The following AGMO variants were observed in gnomAD, a reference collection of about 807,000 sequenced individuals.
AGMO encodes the protein alkylglycerol monooxygenase.
AGMO carries 75 observed loss-of-function variants against 60.2 expected under a neutral mutation model. That is an observed-to-expected ratio of 1.25 (90% confidence interval 1.03 to 1.51). The LOEUF (loss-of-function observed/expected upper bound fraction) is 1.51, where lower values mean the gene tolerates loss of function less well. Among genes scored for constraint, AGMO ranks in the 40% most tolerant of loss-of-function variants. The probability of loss-of-function intolerance (pLI) is 0.00; values close to 1 mark genes in which losing one functional copy is unlikely to be tolerated. For missense variants in AGMO, 763 were observed against 525.5 expected, an observed-to-expected ratio of 1.45 and a Z score of -4.42; for synonymous variants, 261 against 177.1, an observed-to-expected ratio of 1.47 and a Z score of -3.76.
chr7:15,162,086 T>C, the AGMO span, among the ~76,000 whole-genome samples: 1 of 152,006 alleles, frequency 6.6e-6, no homozygotes, highest in Non-Finnish European at 1.5e-5. Context: ...TGAGATCTGA[T>C]GGTTTTAAAA....
intron 3 of AGMO, among the ~76,000 whole-genome samples, chr7:15,517,902 A>G (rs1202609411): frequency 6.6e-6 from 1 of 152,174 alleles, no homozygotes; most frequent in Middle Eastern, 3.2e-3. Flanking sequence ...CATGGAGCCC[A>G]GCAAGCTAAG....
At chr7:15,494,857 T>C (rs995028080) in intron 3 of AGMO, among the ~76,000 whole-genome samples, 16 of 152,226 alleles carry the variant, frequency 1.1e-4, no homozygotes, top group Admixed American at 6.5e-5. Flanking sequence ...CTCGCAAGCC[T>C]GTTGCAAAAT....
intron 3 of AGMO, among the ~76,000 whole-genome samples, chr7:15,467,740 G>C (rs1161621543): frequency 6.6e-6 from 1 of 152,046 alleles, no homozygotes; most frequent in Non-Finnish European, 1.5e-5. Flanking sequence ...TATGGGATTT[G>C]TTAAATAAAT....
intron 2 of AGMO, among the ~76,000 whole-genome samples, chr7:15,547,574 G>A (rs568919206): frequency 6.6e-6 from 1 of 152,076 alleles, no homozygotes; most frequent in Non-Finnish European, 1.5e-5. Flanking sequence ...CTGGAAAATC[G>A]GGTCACTCCC....
chr7:15,336,767 A>G (rs1781676227), intron 12 of AGMO, among the ~76,000 whole-genome samples: 1 of 152,024 alleles, frequency 6.6e-6, no homozygotes, highest in East Asian at 1.9e-4. Flanking sequence ...GTCTTAGGTT[A>G]TAATAATTAC....
At chr7:15,346,997 A>G (rs1199089594) in intron 12 of AGMO, among the ~76,000 whole-genome samples, 1 of 151,970 alleles carries the variant, frequency 6.6e-6, no homozygotes, top group Non-Finnish European at 1.5e-5. Flanking sequence ...ACTTTAAATG[A>G]TTCTGTGAAA....
intron 12 of AGMO, among the ~76,000 whole-genome samples, chr7:15,315,141 T>G (rs1283640589): frequency 6.6e-6 from 1 of 152,036 alleles, no homozygotes; most frequent in Non-Finnish European, 1.5e-5. Flanking sequence ...GAGACCAGAT[T>G]AGCCAAGCTT....
At chr7:15,339,386 GTTAT>G (rs1244230915) in intron 12 of AGMO, among the ~76,000 whole-genome samples, 5 of 152,100 alleles carry the variant, frequency 3.3e-5, no homozygotes, top group South Asian at 2.1e-4. Context: ...TTAACACTGA[GTTAT>G]TTGAGGATAA....
chr7:15,384,954 C>T (rs558114819), intron 10 of AGMO, among the ~76,000 whole-genome samples: 3 of 151,264 alleles, frequency 2.0e-5, no homozygotes, highest in Middle Eastern at 6.8e-3. Context: ...TGAACTAAAT[C>T]CTGGTCTAGT....
At chr7:15,298,443 G>GA (rs944278479) in intron 12 of AGMO, among the ~76,000 whole-genome samples, 13 of 152,106 alleles carry the variant, frequency 8.5e-5, no homozygotes, top group Non-Finnish European at 1.5e-4. Context: ...CACCAAGGTT[G>GA]AAGTGCAGTG....
chr7:15,355,336 A>C (rs1474869154), intron 12 of AGMO, among the ~76,000 whole-genome samples: 3 of 151,892 alleles, frequency 2.0e-5, no homozygotes, highest in Non-Finnish European at 4.4e-5. Flanking sequence ...CGCTGTCTCT[A>C]CTAAAAATAC....
At chr7:15,454,533 T>C (rs1227994176) in intron 3 of AGMO, among the ~76,000 whole-genome samples, 1 of 152,180 alleles carries the variant, frequency 6.6e-6, no homozygotes, top group Non-Finnish European at 1.5e-5. Context: ...AAAAAAACTA[T>C]TGACCTATAT....
At chr7:15,122,733 G>T in the AGMO span, among the ~76,000 whole-genome samples, 3 of 152,012 alleles carry the variant, frequency 2.0e-5, no homozygotes, top group African/African-American at 7.2e-5. Context: ...TCAAAAATCT[G>T]TCCACAATGC....
At chr7:15,203,436 C>G (rs1051165730) in intron 12 of AGMO, among the ~76,000 whole-genome samples, 1 of 152,024 alleles carries the variant, frequency 6.6e-6, no homozygotes, top group Non-Finnish European at 1.5e-5. Context: ...ATCTGAAATG[C>G]TTTCAAATTC....
chr7:15,544,967 A>G, intron 2 of AGMO, 44 bp from the exon 3 acceptor site: 11 of 1,321,682 alleles, frequency 8.3e-6, no homozygotes, highest in Non-Finnish European at 1.1e-5. Flanking sequence ...AACATTTTAG[A>G]AAAAAAATTA....
chr7:15,506,255 A>G (rs545804509), intron 3 of AGMO, among the ~76,000 whole-genome samples: 1 of 145,200 alleles, frequency 6.9e-6, no homozygotes, highest in East Asian at 2.1e-4. Flanking sequence ...GATATGCATT[A>G]TCTACCTTTC....
chr7:15,270,071 T>G (rs187546983), intron 12 of AGMO, among the ~76,000 whole-genome samples: 11 of 152,242 alleles, frequency 7.2e-5, no homozygotes, highest in African/African-American at 2.4e-4. Flanking sequence ...GCAAAAAAGA[T>G]ATAAATGCAG....
chr7:15,347,319 A>C (rs558228433), intron 12 of AGMO, among the ~76,000 whole-genome samples: 5 of 152,220 alleles, frequency 3.3e-5, no homozygotes, highest in Admixed American at 3.3e-4. Flanking sequence ...CACATTTGTG[A>C]ATTGTAAATG....
At chr7:15,384,431 G>C (rs370712829) in intron 10 of AGMO, among the ~76,000 whole-genome samples, 1 of 152,172 alleles carries the variant, frequency 6.6e-6, no homozygotes, top group East Asian at 1.9e-4. Flanking sequence ...CTCCTTAGGT[G>C]TCTTTCAATT....
Sources: gnomAD v4.1 joint callset for allele counts (sites outside exome capture counted in the v4.1 genomes callset) on GRCh38, gnomAD v4.1.1 for gene constraint, MANE v1.5 for transcripts, NCBI Gene and HGNC (gene_info 2026-07-23, HGNC 2026-07-21) for gene names.